The following ARL15 variants were observed in gnomAD, a reference collection of about 807,000 sequenced individuals.
The protein encoded by ARL15 is ADP-ribosylation factor-like protein 15.
ARL15 carries 19 observed loss-of-function variants against 25.2 expected under a neutral mutation model. That is an observed-to-expected ratio of 0.75 (90% CI 0.53 to 1.10). ARL15 has a LOEUF of 1.10. Ranked by LOEUF, ARL15 falls within the 50% of genes least tolerant of loss-of-function variation. The pLI is 0.00. For missense variants in ARL15, 220 were observed against 246.0 expected, an observed-to-expected ratio of 0.89 and a Z score of 0.71; for synonymous variants, 94 against 86.8, an observed-to-expected ratio of 1.08 and a Z score of -0.46.
chr5:53,887,870 C>G (rs1409537831), intron 4 of ARL15, among the ~76,000 whole-genome samples: 1 of 152,164 alleles, frequency 6.6e-6, no homozygotes, highest in Non-Finnish European at 1.5e-5. Context: ...CCAGTGCAGA[C>G]TACTGTTTGT....
Position 54,102,599 on chromosome 5 carries a change from G to A in ARL15, c.462+10603C>T, listed in dbSNP as rs550267249. 1.7e-4 allele frequency among the ~76,000 whole-genome samples: 26 copies of A among 152,040 alleles called. 1 individual carries two copies. Among genetic ancestry groups the A allele is most frequent in the East Asian group, 5.8e-4 (3 of 5,154 alleles). ...CTTCTCTTCAATGAAATATGCTAAC[G>A]CCTGATGAGAGAGCATCTTTCTTTC... On this transcript the variant is annotated intron_variant, in intron 4 of 4. Transcript: ENST00000504924.
intron 1 of ARL15, among the ~76,000 whole-genome samples, chr5:54,248,635 G>T (rs1757156554): frequency 6.6e-6 from 1 of 152,156 alleles, no homozygotes; most frequent in Non-Finnish European, 1.5e-5. Context: ...CTAATTGTAG[G>T]TCTTCTCTAC....
chr5:54,049,657 G>T (rs1021496676), intron 4 of ARL15, among the ~76,000 whole-genome samples: 1 of 152,090 alleles, frequency 6.6e-6, no homozygotes, highest in Non-Finnish European at 1.5e-5. Context: ...CTGGAGTGCA[G>T]TGACACAATC....
chr5:54,141,979 ATT>A (rs1753794502), intron 3 of ARL15, among the ~76,000 whole-genome samples: 1 of 152,206 alleles, frequency 6.6e-6, no homozygotes, highest in African/African-American at 2.4e-5. Context: ...AATTGATGAC[ATT>A]TGAGTTGTTT....
chr5:54,091,229 C>T (rs772995945), intron 4 of ARL15, among the ~76,000 whole-genome samples: 6 of 152,100 alleles, frequency 3.9e-5, no homozygotes, highest in Non-Finnish European at 8.8e-5. Flanking sequence ...GCGAGAAACG[C>T]AATTAAAGTG....
Position 54,261,733 on chromosome 5 carries a change from G to A in ARL15, c.48+48699C>T, listed in dbSNP as rs1202795329. Among the ~76,000 whole-genome samples, 6 of 151,902 alleles carry A rather than the reference G, an allele frequency of 3.9e-5. No homozygotes were observed. In the South Asian group the frequency reaches 8.3e-4, roughly 21 times the overall value. On this transcript the variant is annotated intron_variant, in intron 1 of 4. Coordinates refer to ENST00000504924, the MANE Select transcript of ARL15 (RefSeq NM_019087.3). ...CTTCCATACTTACCTGTTATATGGG[G>A]TACTGAACCAGATCTTACACACACA...
chr5:54,025,540 GAA>G (rs1749764148), intron 4 of ARL15, among the ~76,000 whole-genome samples: 1 of 152,094 alleles, frequency 6.6e-6, no homozygotes, highest in Non-Finnish European at 1.5e-5. Context: ...GTGCTATAAC[GAA>G]AAGACATGTG....
At chr5:53,909,193 A>G (rs1745373910) in intron 4 of ARL15, among the ~76,000 whole-genome samples, 1 of 152,220 alleles carries the variant, frequency 6.6e-6, no homozygotes, top group Admixed American at 6.5e-5. Flanking sequence ...AATATTATAT[A>G]TTGAAGTTTT....
chr5:54,306,706 A>G (rs896041890), intron 1 of ARL15, among the ~76,000 whole-genome samples: 5 of 152,234 alleles, frequency 3.3e-5, no homozygotes, highest in Admixed American at 2.6e-4. Flanking sequence ...ATACGTTAAC[A>G]TTTTATATTT....
intron 4 of ARL15, among the ~76,000 whole-genome samples, chr5:53,984,933 A>G (rs1350925583): frequency 6.6e-6 from 1 of 152,174 alleles, no homozygotes; most frequent in African/African-American, 2.4e-5. Flanking sequence ...TATCCTGCCA[A>G]TTTACCCTCA....
chr5:54,239,508 C>T (rs1756898275), intron 1 of ARL15, among the ~76,000 whole-genome samples: 1 of 152,134 alleles, frequency 6.6e-6, no homozygotes, highest in Non-Finnish European at 1.5e-5. Context: ...GAAGAGGCTG[C>T]CAGGGGTTCC....
intron 3 of ARL15, among the ~76,000 whole-genome samples, chr5:54,128,949 C>T (rs1753351693): frequency 6.6e-6 from 1 of 152,130 alleles, no homozygotes; most frequent in African/African-American, 2.4e-5. Flanking sequence ...TCATGATCCG[C>T]CCACCTCAGC....
At chr5:54,045,882 A>G (rs953138107) in intron 4 of ARL15, among the ~76,000 whole-genome samples, 1 of 152,202 alleles carries the variant, frequency 6.6e-6, no homozygotes, top group South Asian at 2.1e-4. Context: ...AAGAGTAGTC[A>G]CCTTCAATTG....
intron 4 of ARL15, among the ~76,000 whole-genome samples, chr5:54,048,504 G>A (rs1201583175): frequency 1.3e-5 from 2 of 150,398 alleles, no homozygotes; most frequent in African/African-American, 4.9e-5. Flanking sequence ...CTGGGTTCAA[G>A]CGATTCTCCT....
chr5:54,104,073 G>C (rs553362156), intron 4 of ARL15, among the ~76,000 whole-genome samples: 55 of 152,188 alleles, frequency 3.6e-4, no homozygotes, highest in South Asian at 1.5e-3. Flanking sequence ...TTGGTCTCAG[G>C]GTCAGTGGCT....
intron 4 of ARL15, among the ~76,000 whole-genome samples, chr5:53,966,644 T>C (rs1747575623): frequency 6.6e-6 from 1 of 152,218 alleles, no homozygotes; most frequent in African/African-American, 2.4e-5. Flanking sequence ...GCAGAATTAA[T>C]TGCTCACTTG....
At chr5:53,994,354 A>C (rs1748600964) in intron 4 of ARL15, among the ~76,000 whole-genome samples, 1 of 152,260 alleles carries the variant, frequency 6.6e-6, no homozygotes, top group Admixed American at 6.5e-5. Context: ...TTACTTGTGG[A>C]AACTGTAATG....
intron 4 of ARL15, among the ~76,000 whole-genome samples, chr5:54,108,147 G>C (rs1752642989): frequency 6.6e-6 from 1 of 152,072 alleles, no homozygotes; most frequent in African/African-American, 2.4e-5. Context: ...CTAATGAAAT[G>C]ATTGCTAATT....
At chr5:54,154,329 G>A (rs765084136) in intron 3 of ARL15, 13 of 343,778 alleles carry the variant, frequency 3.8e-5, no homozygotes, top group Non-Finnish European at 6.7e-5. Context: ...CCAATGAGCT[G>A]TATAAATTGC....
Sources: allele counts gnomAD v4.1 joint callset (sites outside exome capture counted in the v4.1 genomes callset), GRCh38; gene constraint gnomAD v4.1.1; transcripts MANE v1.5; gene names NCBI Gene and HGNC (gene_info 2026-07-23, HGNC 2026-07-21).